Variants in PTCSC3 observed in about 807,000 individuals in gnomAD.
PTCSC3 encodes the protein papillary thyroid carcinoma susceptibility candidate 3 (non-protein coding).
intron 2 of PTCSC3, among the ~76,000 whole-genome samples, chr14:36,161,079 A>G (rs1001037950): frequency 1.3e-5 from 2 of 152,152 alleles, no homozygotes; most frequent in East Asian, 1.9e-4. Flanking sequence ...CATGTCATTT[A>G]TGTTCTTCTC....
At chr14:36,157,405 T>C (rs957824592) in intron 2 of PTCSC3, among the ~76,000 whole-genome samples, 1 of 152,216 alleles carries the variant, frequency 6.6e-6, no homozygotes, top group Admixed American at 6.5e-5. Context: ...TTAGTTTAAT[T>C]AGATCCCATT....
chr14:36,167,738 T>C (rs932143846), intron 1 of PTCSC3, among the ~76,000 whole-genome samples: 1 of 152,186 alleles, frequency 6.6e-6, no homozygotes, highest in Non-Finnish European at 1.5e-5. Flanking sequence ...TCTTTGATTC[T>C]GGACTTAGGG....
At chr14:36,139,667 AAATT>A (rs1456849365) in intron 3 of PTCSC3, among the ~76,000 whole-genome samples, 1 of 152,206 alleles carries the variant, frequency 6.6e-6, no homozygotes, top group African/African-American at 2.4e-5. Context: ...TGTGGGTTAA[AAATT>A]AATAGGCTAT....
At chr14:36,147,813 A>T (rs1881617152) in intron 3 of PTCSC3, among the ~76,000 whole-genome samples, 1 of 151,384 alleles carries the variant, frequency 6.6e-6, no homozygotes, top group African/African-American at 2.4e-5. Context: ...TTGGTCTTTG[A>T]TGATGGTGAT....
intron 2 of PTCSC3, among the ~76,000 whole-genome samples, chr14:36,160,842 C>T (rs372693721): frequency 6.4e-4 from 98 of 152,220 alleles, no homozygotes; most frequent in African/African-American, 2.2e-3. Context: ...TTATTCTCCC[C>T]ATCACTTTCA....
exon 4 of PTCSC3, chr14:36,136,147 A>C (rs1015178637): frequency 6.6e-6 from 1 of 152,114 alleles, no homozygotes; most frequent in Non-Finnish European, 1.5e-5. Context: ...TGCCTACTTT[A>C]TCTTCTAGCT....
chr14:36,158,834 G>C (rs997183077), intron 2 of PTCSC3, among the ~76,000 whole-genome samples: 5 of 152,146 alleles, frequency 3.3e-5, no homozygotes, highest in African/African-American at 1.2e-4. Flanking sequence ...AACAGTACAA[G>C]CACCTCCTTG....
intron 1 of PTCSC3, among the ~76,000 whole-genome samples, chr14:36,166,277 T>C (rs1882084876): frequency 6.6e-6 from 1 of 152,224 alleles, no homozygotes; most frequent in Non-Finnish European, 1.5e-5. Context: ...CCTTGATGAC[T>C]TTTTAATAAA....
At chr14:36,159,223 G>GT (rs200127069) in intron 2 of PTCSC3, among the ~76,000 whole-genome samples, 16 of 145,664 alleles carry the variant, frequency 1.1e-4, no homozygotes, top group African/African-American at 2.3e-4. Flanking sequence ...TTTTTGAAGG[G>GT]TTTTTTTTGC....
At chr14:36,159,055 T>C (rs189615973) in intron 2 of PTCSC3, among the ~76,000 whole-genome samples, 35 of 152,286 alleles carry the variant, frequency 2.3e-4, no homozygotes, top group African/African-American at 7.7e-4. Flanking sequence ...GTGTTTAAAG[T>C]ATTCTCTGAT....
Position 36,136,625 on chromosome 14 carries a change from C to T in PTCSC3, n.323-269G>A, listed in dbSNP as rs945961809. Among the ~76,000 whole-genome samples the T allele has an allele frequency of 2.5e-4, 38 of 152,032 alleles. 1 individual carries two copies. Among genetic ancestry groups the T allele is most frequent in the South Asian group, 1.0e-3 (5 of 4,822 alleles). On this transcript the variant is annotated intron_variant and non_coding_transcript_variant, in intron 3 of 3. Coordinates refer to ENST00000556013, the Ensembl canonical transcript of PTCSC3. ...GATAGGGCAGGATTTATTCTATTTA[C>T]CCAGTAATTATGCTTATAATACAGG...
rs1450232986 is a variant in PTCSC3 at position 36,151,705 on chromosome 14, GGCTGGAGTTA to G, written n.322+2089_322+2098del. On this transcript the variant is annotated intron_variant and non_coding_transcript_variant, in intron 3 of 3. Transcript: ENST00000556013. ...TATGCTTATGTGAGACTGAAATTGA[GGCTGGAGTTA>G]GCTAATTGACCTTCCATCAGGTCAG... is the stretch of plus-strand genomic sequence containing the variant. Among the ~76,000 whole-genome samples, 20 of 152,122 alleles carry G rather than the reference GGCTGGAGTTA, an allele frequency of 1.3e-4. 1 individual carries two copies. Among genetic ancestry groups the G allele is most frequent in the Admixed American group, 1.2e-3 (19 of 15,264 alleles).
chr14:36,140,051 C>T lies in PTCSC3; in HGVS notation n.323-3695G>A, dbSNP rs1028729233. On this transcript the variant is annotated intron_variant and non_coding_transcript_variant, in intron 3 of 3. Transcript: ENST00000556013. ...CCTTTTTATTCCCTCTATTGTTTTACGTTTTCTAAGATGTCATGTAGTTGG... is the reference window on the plus strand; with the variant it reads ...CCTTTTTATTCCCTCTATTGTTTTATGTTTTCTAAGATGTCATGTAGTTGG... Among the ~76,000 whole-genome samples, 170 of 152,238 alleles carry T rather than the reference C, an allele frequency of 1.1e-3. 1 individual carries two copies. Among genetic ancestry groups the T allele is most frequent in the African/African-American group, 3.9e-3 (164 of 41,544 alleles).
rs149135102 is a variant in PTCSC3 at position 36,151,521 on chromosome 14, TTTGTC to T, written n.322+2278_322+2282del. 1.8e-3 allele frequency among the ~76,000 whole-genome samples: 273 copies of T among 152,340 alleles called. 3 individuals carry two copies. The highest frequency in any genetic ancestry group is 6.1e-3 in the African/African-American group (255 of 41,574). ...TTCCCATTATATGTATGTTGTACCT[TTTGTC>T]TTGTCCCACAGTTCTTGGATGTTCT... On this transcript the variant is annotated intron_variant and non_coding_transcript_variant, in intron 3 of 3. Coordinates refer to ENST00000556013, the Ensembl canonical transcript of PTCSC3.
chr14:36,174,126 T>C (rs1023768899), intron 1 of PTCSC3, among the ~76,000 whole-genome samples: 1 of 151,968 alleles, frequency 6.6e-6, no homozygotes, highest in African/African-American at 2.4e-5. Flanking sequence ...TAAGTCAGTG[T>C]TTCTCTTCAA....
At chr14:36,171,099 T>C (rs2139113748) in intron 1 of PTCSC3, among the ~76,000 whole-genome samples, 1 of 152,304 alleles carries the variant, frequency 6.6e-6, no homozygotes, top group Middle Eastern at 3.4e-3. Context: ...TCTGTGGAAA[T>C]ATAGATTTTT....
At chr14:36,136,940 T>G (rs1881301817) in intron 3 of PTCSC3, among the ~76,000 whole-genome samples, 1 of 152,210 alleles carries the variant, frequency 6.6e-6, no homozygotes, top group Non-Finnish European at 1.5e-5. Context: ...TTCTTGCTAT[T>G]GAGAATATAG....
intron 3 of PTCSC3, among the ~76,000 whole-genome samples, chr14:36,141,632 C>T (rs1048711817): frequency 1.3e-5 from 2 of 151,878 alleles, no homozygotes; most frequent in Non-Finnish European, 1.5e-5. Flanking sequence ...GGATTACAGG[C>T]GTGAGCCACT....
intron 2 of PTCSC3, among the ~76,000 whole-genome samples, chr14:36,162,209 G>A (rs1433622549): frequency 1.4e-5 from 2 of 147,346 alleles, no homozygotes; most frequent in Non-Finnish European, 3.0e-5. Context: ...TCTTTCCAGG[G>A]GAGTGAACAG....
Sources: gnomAD v4.1 joint callset for allele counts (sites outside exome capture counted in the v4.1 genomes callset) on GRCh38, gnomAD v4.1.1 for gene constraint, MANE v1.5 for transcripts, NCBI Gene and HGNC (gene_info 2026-07-23, HGNC 2026-07-21) for gene names.